The following TUSC3 variants were observed in gnomAD, a reference collection of about 807,000 sequenced individuals.
TUSC3 encodes the protein tumor suppressor candidate 3, also known as dolichyl-diphosphooligosaccharide--protein glycosyltransferase subunit TUSC3.
A neutral mutation model predicts 44.8 loss-of-function variants in TUSC3; 45 were observed. The observed-to-expected ratio is 1.00, with a 90% CI of 0.79 to 1.29. The LOEUF (loss-of-function observed/expected upper bound fraction) is 1.29. Ranked by LOEUF, TUSC3 falls within the 50% of genes most tolerant of loss-of-function variation. TUSC3 has a pLI of 0.00. For missense variants in TUSC3, 519 were observed against 437.9 expected (o/e 1.19, Z -1.65); for synonymous variants, 212 against 152.9 (o/e 1.39, Z -2.85).
chr8:15,623,236 T>C lies in TUSC3; in HGVS notation c.295T>C (p.Cys99Arg). The change falls in exon 2 of 11, where the codon TGT becomes CGT. Residue 99 changes from cysteine to arginine, a missense_variant. Transcript: ENST00000503731. ...CACTGCTCTTCAGCCTCAGCGGCAG[T>C]GTTCTGTGTGCAGGTAATTTATGTA... ...MFTALQPQRQCSVCRQANEEY... is the reference protein window; with the variant it reads ...MFTALQPQRQRSVCRQANEEY... The C allele has an allele frequency of 6.2e-7, 1 of 1,605,962 alleles. No individual in the cohort carries two copies. The highest frequency in any genetic ancestry group is 8.5e-7 in the Non-Finnish European group (1 of 1,176,228).
chr8:15,614,950 AAAC>A (rs1422952227), intron 1 of TUSC3, among the ~76,000 whole-genome samples: 2 of 151,114 alleles, frequency 1.3e-5, no homozygotes, highest in African/African-American at 2.4e-5. Context: ...AAAAAAAAAA[AAAC>A]CACCCCAAAA....
chr8:15,776,923 T>A, the TUSC3 span, among the ~76,000 whole-genome samples: 5 of 111,346 alleles, frequency 4.5e-5, no homozygotes, highest in African/African-American at 2.0e-4. Flanking sequence ...AACACTGTCA[T>A]GTGTTCATTC....
chr8:15,671,855 CAG>C (rs1196121460), intron 5 of TUSC3, among the ~76,000 whole-genome samples: 1 of 151,678 alleles, frequency 6.6e-6, no homozygotes, highest in Non-Finnish European at 1.5e-5. Flanking sequence ...TTTTTTATGT[CAG>C]GGGACATGTC....
At chr8:15,745,204 G>A (rs1460942108) in intron 8 of TUSC3, among the ~76,000 whole-genome samples, 3 of 151,954 alleles carry the variant, frequency 2.0e-5, no homozygotes, top group East Asian at 3.9e-4. Context: ...TGGTATATAT[G>A]TACCATGGAA....
intron 6 of TUSC3, among the ~76,000 whole-genome samples, chr8:15,728,126 T>C (rs1325757505): frequency 2.0e-5 from 3 of 152,190 alleles, no homozygotes; most frequent in Admixed American, 1.3e-4. Flanking sequence ...TTATTGTGAC[T>C]GGAAATACAA....
intron 6 of TUSC3, among the ~76,000 whole-genome samples, chr8:15,675,388 T>A (rs73528511): frequency 6.6e-6 from 1 of 151,856 alleles, no homozygotes. Context: ...AACATTCTTA[T>A]GAAATGTTTT....
intron 2 of TUSC3, among the ~76,000 whole-genome samples, chr8:15,485,933 G>C (rs1375840435): frequency 6.6e-6 from 1 of 152,026 alleles, no homozygotes; most frequent in African/African-American, 2.4e-5. Context: ...TGGGATTACA[G>C]GTGCCCACCA....
intron 1 of TUSC3, among the ~76,000 whole-genome samples, chr8:15,420,589 C>T (rs923875986): frequency 7.6e-6 from 1 of 131,184 alleles, no homozygotes; most frequent in South Asian, 2.5e-4. Flanking sequence ...TTTTGTCTGC[C>T]TCCAGTTTCT....
At chr8:15,808,586 G>C in the TUSC3 span, among the ~76,000 whole-genome samples, 2 of 152,042 alleles carry the variant, frequency 1.3e-5, no homozygotes, top group African/African-American at 4.8e-5. Flanking sequence ...ACCTGCCATC[G>C]TTACATCTTC....
the TUSC3 span, chr8:15,806,526 G>C: frequency 0.011 from 14,154 of 1,329,304 alleles, 105 homozygotes; most frequent in Middle Eastern, 0.02. Flanking sequence ...GTGACTTCAA[G>C]CCTGGATCTT....
chr8:15,467,747 G>T (rs538387311), intron 1 of TUSC3, among the ~76,000 whole-genome samples: 1 of 152,114 alleles, frequency 6.6e-6, no homozygotes, highest in Admixed American at 6.6e-5. Context: ...TATGTAATCA[G>T]TCATCTTGAA....
intron 2 of TUSC3, among the ~76,000 whole-genome samples, chr8:15,511,827 C>T (rs572190433): frequency 2.2e-4 from 33 of 151,718 alleles, no homozygotes; most frequent in South Asian, 6.3e-4. Flanking sequence ...GCCAAGATTG[C>T]GCCACTGTAC....
chr8:15,463,849 C>T (rs1182891769), intron 1 of TUSC3, among the ~76,000 whole-genome samples: 1 of 152,188 alleles, frequency 6.6e-6, no homozygotes, highest in African/African-American at 2.4e-5. Context: ...TATGCTGTAA[C>T]ATCACATCTT....
At chr8:15,511,770 T>C (rs935423564) in intron 2 of TUSC3, among the ~76,000 whole-genome samples, 1 of 151,874 alleles carries the variant, frequency 6.6e-6, no homozygotes, top group Admixed American at 6.6e-5. Context: ...CTTGGGAGGC[T>C]GAGGAAGGAA....
At chr8:15,620,524 T>C (rs1268393194) in intron 1 of TUSC3, among the ~76,000 whole-genome samples, 1 of 152,272 alleles carries the variant, frequency 6.6e-6, no homozygotes, top group African/African-American at 2.4e-5. Context: ...AAATGACGTA[T>C]ATATATTTGC....
At chr8:15,559,286 G>T (rs1398477908) in intron 1 of TUSC3, among the ~76,000 whole-genome samples, 3 of 143,552 alleles carry the variant, frequency 2.1e-5, no homozygotes, top group Non-Finnish European at 3.1e-5. Context: ...GGAGCAGGTT[G>T]TTCAGTTTCC....
intron 1 of TUSC3, among the ~76,000 whole-genome samples, chr8:15,469,224 C>G (rs939236609): frequency 1.3e-5 from 2 of 152,100 alleles, no homozygotes; most frequent in African/African-American, 2.4e-5. Context: ...AATGAGAAGA[C>G]AAGTCACTGA....
At chr8:15,629,074 T>TA (rs1805642355) in intron 2 of TUSC3, among the ~76,000 whole-genome samples, 2 of 152,328 alleles carry the variant, frequency 1.3e-5, no homozygotes, top group Admixed American at 1.3e-4. Flanking sequence ...AGGGTTTATT[T>TA]AATAAGTAAC....
rs1805826078 is a variant in TUSC3 at position 15,632,693 on chromosome 8, C to T, written c.308+9444C>T. 1.3e-5 allele frequency among the ~76,000 whole-genome samples: 2 copies of T among 152,168 alleles called. 1 individual carries two copies. The highest frequency in any genetic ancestry group is 1.3e-4 in the Admixed American group (2 of 15,272). On this transcript the variant is annotated intron_variant, in intron 2 of 10. Transcript: ENST00000503731. ...TTTTCAAATTAAGTGATTTCTTCTA[C>T]ATTAATTAGTTGTCATTCTTCTGTA...
Sources: allele counts gnomAD v4.1 joint callset (sites outside exome capture counted in the v4.1 genomes callset), GRCh38; gene constraint gnomAD v4.1.1; transcripts MANE v1.5; gene names NCBI Gene and HGNC (gene_info 2026-07-23, HGNC 2026-07-21).